Variants in BMPER observed in about 807,000 individuals in gnomAD.
The protein encoded by BMPER is BMP-binding endothelial regulator protein.
In BMPER, 45 loss-of-function variants were observed where a neutral mutation model predicts 87.3. The ratio of observed to expected loss-of-function variants is 0.52; its 90% CI spans 0.41 to 0.66. The LOEUF is 0.66. Ranked by LOEUF, BMPER falls within the 30% of genes least tolerant of loss-of-function variation. The probability of loss-of-function intolerance (pLI) is 0.00; values close to 1 mark genes in which losing one functional copy is unlikely to be tolerated. For synonymous variants in BMPER, 326 were observed against 316.2 expected (o/e 1.03, Z -0.33); for missense variants, 784 against 867.5 (o/e 0.90, Z 1.21).
At chr7:33,913,674 A>G (rs1254009076) in intron 2 of BMPER, among the ~76,000 whole-genome samples, 3 of 152,332 alleles carry the variant, frequency 2.0e-5, no homozygotes, top group South Asian at 4.1e-4. Context: ...AAGACTCCAA[A>G]CCATGCCCAA....
At chr7:34,063,341 A>G (rs141855181) in intron 11 of BMPER, among the ~76,000 whole-genome samples, 1 of 151,896 alleles carries the variant, frequency 6.6e-6, no homozygotes, top group East Asian at 1.9e-4. Context: ...TTTTTAATTG[A>G]TTAGTGCCTT....
chr7:34,010,726 A>G (rs1786854342), intron 6 of BMPER, among the ~76,000 whole-genome samples: 1 of 151,904 alleles, frequency 6.6e-6, no homozygotes, highest in African/African-American at 2.4e-5. Context: ...ATGCTATACT[A>G]CTTCTTAATA....
intron 6 of BMPER, among the ~76,000 whole-genome samples, chr7:33,980,160 T>C (rs1436693461): frequency 6.6e-6 from 1 of 152,216 alleles, no homozygotes; most frequent in Non-Finnish European, 1.5e-5. Flanking sequence ...TATCATTTGT[T>C]AAACTGCATC....
chr7:34,111,862 C>T (rs1157562628), intron 13 of BMPER, among the ~76,000 whole-genome samples: 1 of 152,122 alleles, frequency 6.6e-6, no homozygotes, highest in Non-Finnish European at 1.5e-5. Flanking sequence ...TATAGGCACG[C>T]ACCACCACGC....
At chr7:33,931,352 C>T (rs1263747174) in intron 2 of BMPER, among the ~76,000 whole-genome samples, 1 of 152,176 alleles carries the variant, frequency 6.6e-6, no homozygotes, top group African/African-American at 2.4e-5. Flanking sequence ...GTTCCCAGGT[C>T]CACTGCTAGC....
At chr7:34,100,003 G>T (rs935001345) in intron 13 of BMPER, among the ~76,000 whole-genome samples, 1 of 151,928 alleles carries the variant, frequency 6.6e-6, no homozygotes, top group Non-Finnish European at 1.5e-5. Context: ...TCTGCCTGGG[G>T]TGCAGGTCAG....
chr7:33,967,313 C>T (rs1413987669), intron 4 of BMPER, among the ~76,000 whole-genome samples: 2 of 152,194 alleles, frequency 1.3e-5, no homozygotes, highest in African/African-American at 4.8e-5. Context: ...ATCATTTTAT[C>T]CCTAACCCTA....
At chr7:34,014,851 T>C (rs545000807) in intron 6 of BMPER, among the ~76,000 whole-genome samples, 1 of 152,104 alleles carries the variant, frequency 6.6e-6, no homozygotes, top group African/African-American at 2.4e-5. Flanking sequence ...TGATCCATTT[T>C]CTTTTATCAC....
chr7:33,937,701 TAC>T (rs199795861), intron 3 of BMPER: 15 of 384,694 alleles, frequency 3.9e-5, no homozygotes, highest in African/African-American at 4.7e-5. Context: ...TGCATATTTG[TAC>T]ACACACACAT....
chr7:34,029,000 G>T (rs1322543010), intron 6 of BMPER, among the ~76,000 whole-genome samples: 1 of 151,980 alleles, frequency 6.6e-6, no homozygotes, highest in Non-Finnish European at 1.5e-5. Context: ...GAAGAATATT[G>T]TCATCATGGA....
chr7:34,116,030 T>C (rs1790109399), intron 13 of BMPER, among the ~76,000 whole-genome samples: 1 of 152,234 alleles, frequency 6.6e-6, no homozygotes, highest in African/African-American at 2.4e-5. Context: ...TATTTTATTA[T>C]AGTTTTGGTT....
chr7:33,943,877 C>T (rs948727699), intron 3 of BMPER, among the ~76,000 whole-genome samples: 1 of 152,166 alleles, frequency 6.6e-6, no homozygotes, highest in African/African-American at 2.4e-5. Context: ...GTTCCTCCCC[C>T]TTTTGGTGGT....
At chr7:34,102,377 C>G (rs1162592600) in intron 13 of BMPER, among the ~76,000 whole-genome samples, 3 of 152,190 alleles carry the variant, frequency 2.0e-5, no homozygotes, top group Non-Finnish European at 4.4e-5. Context: ...CCATTTAGAC[C>G]TGTGGTGGTC....
chr7:33,989,135 A>G (rs1462318316), intron 6 of BMPER, among the ~76,000 whole-genome samples: 5 of 134,616 alleles, frequency 3.7e-5, no homozygotes, highest in African/African-American at 1.5e-4. Flanking sequence ...ATACCCAGTA[A>G]TGGGATGGCT....
At position 33,905,711 on chromosome 7, in the gene BMPER, G is replaced by C; in HGVS notation, c.98G>C (p.Gly33Ala). 2 of 1,613,366 alleles carry C rather than the reference G, an allele frequency of 1.2e-6. No homozygotes were observed. Among genetic ancestry groups the C allele is most frequent in the South Asian group, 1.1e-5 (1 of 91,058 alleles). The change falls in exon 1 of 15, where the codon GGG (glycine) becomes GCG (alanine). Residue 33 changes from glycine (G) to alanine (A), a missense_variant. Physicochemically the swap from Gly to Ala is moderately conservative, Grantham distance 60. Coordinates refer to ENST00000649409, the MANE Select transcript of BMPER (RefSeq NM_001365308.1). ...GTCTTGCTGCTACTCAATTGCTCGGGGGTCCCCATGTCTCTGGCTTCCTCC... is the reference window on the plus strand; with the variant it reads ...GTCTTGCTGCTACTCAATTGCTCGGCGGTCCCCATGTCTCTGGCTTCCTCC... ...CCVLLLLNCS[G>A]VPMSLASSFL... is the part of the protein sequence containing the mutation.
intron 3 of BMPER, among the ~76,000 whole-genome samples, chr7:33,959,761 T>G (rs540898845): frequency 6.6e-6 from 1 of 152,358 alleles, no homozygotes; most frequent in African/African-American, 2.4e-5. Flanking sequence ...ATAGAATGTA[T>G]TGTATTACCT....
chr7:33,992,272 CAG>C (rs1786244455), intron 6 of BMPER, among the ~76,000 whole-genome samples: 1 of 128,976 alleles, frequency 7.8e-6, no homozygotes, highest in Non-Finnish European at 1.6e-5. Flanking sequence ...GTAAGTCACT[CAG>C]GACTTGCTTT....
chr7:34,074,788 G>A (rs1441027532), intron 11 of BMPER, among the ~76,000 whole-genome samples: 4 of 152,114 alleles, frequency 2.6e-5, no homozygotes, highest in South Asian at 4.1e-4. Context: ...TTTTAAAGAC[G>A]GGAGAAACCT....
intron 5 of BMPER, among the ~76,000 whole-genome samples, 189 bp from the exon 6 acceptor site, chr7:33,974,513 G>T (rs1785632955): frequency 6.6e-6 from 1 of 152,068 alleles, no homozygotes; most frequent in Admixed American, 6.5e-5. Flanking sequence ...CATCTTTGGG[G>T]TTTCAGGTCC....
Sources: allele counts gnomAD v4.1 joint callset (sites outside exome capture counted in the v4.1 genomes callset), GRCh38; gene constraint gnomAD v4.1.1; transcripts MANE v1.5; gene names NCBI Gene and HGNC (gene_info 2026-07-23, HGNC 2026-07-21).